MOSPD1: variants seen among roughly 807,000 people sequenced by gnomAD.
MOSPD1 encodes motile sperm domain containing 1.
MOSPD1 carries 5 observed loss-of-function variants against 16.7 expected under a neutral mutation model. The observed-to-expected ratio is 0.30, with a 90% confidence interval of 0.16 to 0.63. The LOEUF (loss-of-function observed/expected upper bound fraction) is 0.63, where lower values mean the gene tolerates loss of function less well. Ranked by LOEUF, MOSPD1 falls within the 30% of genes least tolerant of loss-of-function variation. The pLI is 0.82. For missense variants in MOSPD1, 104 were observed against 153.6 expected, an observed-to-expected ratio of 0.68 and a Z score of 1.71; for synonymous variants, 67 against 59.2, an observed-to-expected ratio of 1.13 and a Z score of -0.61.
chrX:134,889,242 C>A lies in MOSPD1; in HGVS notation c.611-50G>T, dbSNP rs759073154. On this transcript the variant is annotated intron_variant, in intron 5 of 5. Coordinates refer to ENST00000370783, the MANE Select transcript of MOSPD1 (RefSeq NM_019556.3). Reference sequence around the variant, plus strand: ...GTTAAAGGTATGCACCTAACAGAATCTTTCATTCAATAAGCAATTGTTTGG... The same window carrying A: ...GTTAAAGGTATGCACCTAACAGAATATTTCATTCAATAAGCAATTGTTTGG... 9 of 999,591 alleles carry A rather than the reference C, an allele frequency of 9.0e-6. No homozygotes were observed. In the South Asian group the frequency reaches 1.3e-4, roughly 14 times the overall value. 82.4% of individuals were successfully genotyped at this position (999,591 alleles called of 1,213,427 possible). A position where few individuals can be genotyped will look rare whatever the true frequency, so the allele number is the denominator to read the frequency against.
chrX:134,902,429 C>CA (rs1400449717), intron 1 of MOSPD1, among the ~76,000 whole-genome samples: 1 of 80,404 alleles, frequency 1.2e-5, no homozygotes, highest in African/African-American at 5.1e-5. Flanking sequence ...ATAAATAAAA[C>CA]AAAAAACCAA....
At position 134,891,540 on chromosome X, in the gene MOSPD1, C is replaced by T. The variant is rs372313853; in HGVS notation, c.549G>A (p.Ser183=). The T allele has an allele frequency of 1.7e-6, 2 of 1,209,308 alleles. No homozygotes were observed. Among genetic ancestry groups the T allele is most frequent in the African/African-American group, 1.8e-5 (1 of 57,035 alleles). Residue 183 remains serine, a synonymous_variant, in exon 5 of 6, where the codon TCG becomes TCA. Transcript: ENST00000370783. ...TTAAGTGGAGGTAGAGAGGCACCAG[C>T]GATTCCACATCCCCCAGTGTAGGCA... ...LMLPTLGDVE[S]LVPLYLHLSV... is the part of the protein sequence containing the mutation.
rs2082886874 is a variant in MOSPD1, at chrX:134,896,842, T to C, written c.423A>G (p.Leu141=). 1.7e-6 allele frequency: 2 copies of C among 1,210,866 alleles called. No individual in the cohort carries two copies. The highest frequency in any genetic ancestry group is 2.3e-4 in the Middle Eastern group (1 of 4,286). ...CTGGTTGAAACGACTGCTCAAAAAA[T>C]AAACTTTCAGTTAAATGTTCCTTTA... is the stretch of plus-strand genomic sequence containing the variant. ...KRLKEHLTES[L]FFEQSFQPEN... The change falls in exon 4 of 6, where the codon TTA becomes TTG. Residue 141 remains leucine, a synonymous_variant. Coordinates refer to ENST00000370783, the MANE Select transcript of MOSPD1 (RefSeq NM_019556.3).
Position 134,902,223 on chromosome X carries a change from C to T in MOSPD1, c.-101-2689G>A, listed in dbSNP as rs147414721. ...AGGAGTTCGAGACCAGCCTGACCAA[C>T]ATGCAGAAACCCCATCTCTACTAAA... On this transcript the variant is annotated intron_variant, in intron 1 of 5. Coordinates refer to ENST00000370783, the MANE Select transcript of MOSPD1 (RefSeq NM_019556.3). Among the ~76,000 whole-genome samples the T allele has an allele frequency of 3.4e-3, 375 of 109,609 alleles. 5 individuals are homozygous for T. The East Asian group carries it at 0.058, about 17-fold the overall frequency.
chrX:134,889,617 T>C (rs1352639912), intron 5 of MOSPD1, among the ~76,000 whole-genome samples: 2 of 111,385 alleles, frequency 1.8e-5, no homozygotes, highest in African/African-American at 6.5e-5. Flanking sequence ...CTTCTCTCTT[T>C]TGAAGAGAGA....
chrX:134,904,787 G>A (rs1011757746), intron 1 of MOSPD1, among the ~76,000 whole-genome samples: 4 of 108,453 alleles, frequency 3.7e-5, no homozygotes, highest in African/African-American at 6.7e-5. Flanking sequence ...ACTTGAACCC[G>A]GGAGGCGGAG....
chrX:134,908,133 T>C (rs2082952392), intron 1 of MOSPD1, among the ~76,000 whole-genome samples: 1 of 112,570 alleles, frequency 8.9e-6, no homozygotes, highest in Non-Finnish European at 1.9e-5. Flanking sequence ...AGTTAGATTT[T>C]AGGTATAATG....
chrX:134,890,929 C>T (rs771744810), intron 5 of MOSPD1, among the ~76,000 whole-genome samples: 2 of 111,802 alleles, frequency 1.8e-5, no homozygotes, highest in South Asian at 3.8e-4. Flanking sequence ...CACTAATCCT[C>T]GACACATGGA....
chrX:134,910,305 T>A (rs12688447), intron 1 of MOSPD1, among the ~76,000 whole-genome samples: 11,524 of 109,933 alleles, frequency 0.1, 568 homozygotes, highest in East Asian at 0.25. Context: ...CTTGGGAGGC[T>A]GAGGCAAGAG....
At chrX:134,890,803 C>T (rs779968476) in intron 5 of MOSPD1, among the ~76,000 whole-genome samples, 29 of 110,907 alleles carry the variant, frequency 2.6e-4, no homozygotes, top group African/African-American at 9.2e-4. Flanking sequence ...AGCGAAATTC[C>T]GTCTCTAAAT....
intron 4 of MOSPD1, among the ~76,000 whole-genome samples, chrX:134,894,584 TA>T (rs1309400945): frequency 7.1e-5 from 8 of 112,021 alleles, no homozygotes; most frequent in African/African-American, 2.6e-4. Context: ...GATACTCTAT[TA>T]AAGAAGAAAA....
chrX:134,905,341 C>A (rs982151798), intron 1 of MOSPD1, among the ~76,000 whole-genome samples: 1 of 103,186 alleles, frequency 9.7e-6, no homozygotes, highest in African/African-American at 3.6e-5. Flanking sequence ...TGCACTCCAG[C>A]CTGGGCGAGA....
intron 1 of MOSPD1, among the ~76,000 whole-genome samples, chrX:134,911,785 A>G (rs1199570664): frequency 8.9e-6 from 1 of 112,339 alleles, no homozygotes; most frequent in African/African-American, 3.2e-5. Flanking sequence ...TGCTAAAGTA[A>G]GACACTGCTA....
intron 3 of MOSPD1, 32 bp from the exon 4 acceptor site, chrX:134,897,066 A>C (rs758469933): frequency 4.1e-5 from 43 of 1,055,498 alleles, no homozygotes; most frequent in Non-Finnish European, 5.6e-5. Context: ...AATGCTGTTT[A>C]GATTTCTGGG....
chrX:134,898,286 A>C (rs1439749040), intron 3 of MOSPD1, among the ~76,000 whole-genome samples: 13 of 112,379 alleles, frequency 1.2e-4, no homozygotes. Flanking sequence ...TTGGCAAGAG[A>C]CTACATTTCT....
chrX:134,909,335 C>T (rs2082959470), intron 1 of MOSPD1, among the ~76,000 whole-genome samples: 1 of 111,783 alleles, frequency 8.9e-6, no homozygotes. Flanking sequence ...AGTTTGAAAA[C>T]AGTTAAGGAT....
At chrX:134,889,491 G>A (rs972889650) in intron 5 of MOSPD1, among the ~76,000 whole-genome samples, 6 of 112,061 alleles carry the variant, frequency 5.4e-5, no homozygotes, top group Non-Finnish European at 9.4e-5. Flanking sequence ...TAGCAGATGT[G>A]CCATTTTGAA....
intron 1 of MOSPD1, among the ~76,000 whole-genome samples, chrX:134,905,126 G>C (rs2082934827): frequency 9.1e-6 from 1 of 110,119 alleles, no homozygotes; most frequent in Admixed American, 9.7e-5. Context: ...TTGGGAGGTC[G>C]ATGCGGGCAG....
intron 1 of MOSPD1, among the ~76,000 whole-genome samples, chrX:134,905,130 C>T (rs1052661851): frequency 8.2e-5 from 9 of 109,602 alleles, no homozygotes; most frequent in African/African-American, 1.7e-4. Context: ...GAGGTCGATG[C>T]GGGCAGATCA....
Sources: gnomAD v4.1 joint callset for allele counts (sites outside exome capture counted in the v4.1 genomes callset) on GRCh38, gnomAD v4.1.1 for gene constraint, MANE v1.5 for transcripts, NCBI Gene and HGNC (gene_info 2026-07-23, HGNC 2026-07-21) for gene names.